CHAF1A: variants seen among roughly 807,000 people sequenced by gnomAD.
CHAF1A encodes the protein CAF-1 subunit A.
A neutral mutation model predicts 93.2 loss-of-function variants in CHAF1A; 5 were observed. That is an observed-to-expected ratio of 0.05 (90% CI 0.03 to 0.11). The LOEUF is 0.11. CHAF1A is among the 10% of genes least tolerant of loss of function. CHAF1A has a pLI of 1.00. For synonymous variants in CHAF1A, 504 were observed against 510.3 expected (o/e 0.99, Z 0.17); for missense variants, 1,102 against 1,259.9 (o/e 0.87, Z 1.90).
intron 3 of CHAF1A, among the ~76,000 whole-genome samples, chr19:4,414,034 C>T (rs909168255): frequency 2.0e-5 from 3 of 152,184 alleles, no homozygotes; most frequent in Non-Finnish European, 4.4e-5. Context: ...CTTTGGCTTG[C>T]TTCTGTGCCC....
At chr19:4,431,578 C>T (rs1428521307) in intron 11 of CHAF1A, among the ~76,000 whole-genome samples, 2 of 152,120 alleles carry the variant, frequency 1.3e-5, no homozygotes, top group South Asian at 2.1e-4. Context: ...CCTGAACTGT[C>T]AGTCAGAGAG....
At position 4,427,136 on chromosome 19, in the gene CHAF1A, C is replaced by CTTTTTTTTTTTTTTTT. The variant is rs747750687; in HGVS notation, c.1378-1512_1378-1497dup. Among the ~76,000 whole-genome samples the CTTTTTTTTTTTTTTTT allele has an allele frequency of 4.9e-3, 158 of 31,946 alleles. 32 individuals are homozygous for CTTTTTTTTTTTTTTTT. Among genetic ancestry groups the CTTTTTTTTTTTTTTTT allele is most frequent in the East Asian group, 7.5e-3 (5 of 664 alleles). The allele number at this position is 31,946 out of a possible 152,430, so 21.0% of individuals were successfully genotyped here. On this transcript the variant is annotated intron_variant, in intron 7 of 14. Coordinates refer to ENST00000301280, the MANE Select transcript of CHAF1A (RefSeq NM_005483.3). The stretch of plus-strand genomic sequence containing the variant: ...GTGATCTTTCAAAAAAAGACCCTGT[C>CTTTTTTTTTTTTTTTT]TTTTTTTTTTTTTTTTTTTTTTTTT...
At chr19:4,445,714 C>T, downstream of CHAF1A, 3 of 1,544,234 alleles carry the variant, frequency 1.9e-6, no homozygotes, top group East Asian at 4.5e-5. Context: ...CGGGGATGCC[C>T]CGGCCTGGAA....
chr19:4,424,375 C>T (rs571247053), intron 7 of CHAF1A, among the ~76,000 whole-genome samples: 14 of 152,360 alleles, frequency 9.2e-5, no homozygotes, highest in African/African-American at 3.4e-4. Flanking sequence ...CCCTGCTCCA[C>T]TCACTGTATT....
Position 4,428,788 on chromosome 19 carries a change from A to T in CHAF1A, c.1502A>T (p.Gln501Leu), listed in dbSNP as rs776706130. Residue 501 changes from glutamine to leucine, a missense_variant, in exon 8 of 15, where the codon CAG (glutamine) becomes CTG (leucine). Physicochemically the swap from Gln to Leu is moderately radical, Grantham distance 113. Transcript: ENST00000301280. ...LCSQLDQLLQ[Q>L]QSGEFSFLKD... ...AGTCAGCTGGACCAGCTCCTCCAGCAGCAGAGCGGCGAGTTCTCCTTCTTG... is the reference window on the plus strand; with the variant it reads ...AGTCAGCTGGACCAGCTCCTCCAGCTGCAGAGCGGCGAGTTCTCCTTCTTG... The T allele has an allele frequency of 2.7e-5, 44 of 1,614,066 alleles. No individual in the cohort carries two copies. Among genetic ancestry groups the T allele is most frequent in the Admixed American group, 1.0e-4 (6 of 60,004 alleles).
chr19:4,402,834 G>A lies in CHAF1A; in HGVS notation c.52+20G>A. On this transcript the variant is annotated intron_variant, in intron 1 of 14. Coordinates refer to ENST00000301280, the MANE Select transcript of CHAF1A (RefSeq NM_005483.3). ...CCACAGGTCGGTTCGGGCCCGCGCC[G>A]AGGGGAAGGGGGGGCGCGGCGCGCG... 1 of 1,196,484 alleles carries A rather than the reference G, an allele frequency of 8.4e-7. No individual in the cohort carries two copies. Among genetic ancestry groups the A allele is most frequent in the Non-Finnish European group, 1.0e-6 (1 of 963,592 alleles). 74.1% of individuals were successfully genotyped at this position (1,196,484 alleles called of 1,614,324 possible). A position where few individuals can be genotyped will look rare whatever the true frequency, so the allele number is the denominator to read the frequency against.
At position 4,409,033 on chromosome 19, in the gene CHAF1A, C is replaced by T; in HGVS notation, c.234C>T (p.Asn78=). ...CCTCTTTGGACACCTTGGAAAACAACTGTCATGTGGGTTCTGACATAGACT... is the reference window on the plus strand; with the variant it reads ...CCTCTTTGGACACCTTGGAAAACAATTGTCATGTGGGTTCTGACATAGACT... ...LEASLDTLEN[N]CHVGSDIDFR... Residue 78 remains asparagine (N), a synonymous_variant, in exon 3 of 15, where the codon AAC becomes AAT. Coordinates refer to ENST00000301280, the MANE Select transcript of CHAF1A (RefSeq NM_005483.3). The T allele has an allele frequency of 1.2e-6, 2 of 1,614,194 alleles. No homozygotes were observed. The highest frequency in any genetic ancestry group is 1.7e-6 in the Non-Finnish European group (2 of 1,180,046).
Position 4,404,308 on chromosome 19 carries a change from G to A in CHAF1A, c.52+1494G>A, listed in dbSNP as rs899542250. ...TGGATCTCTGGATTGGGAGTGTCCC[G>A]TTTTATATACAAGATTTTTTAATGA... is the stretch of plus-strand genomic sequence containing the variant. On this transcript the variant is annotated intron_variant, in intron 1 of 14. Transcript: ENST00000301280. Among the ~76,000 whole-genome samples the A allele has an allele frequency of 3.9e-5, 6 of 152,164 alleles. No homozygotes were observed. In the South Asian group the frequency reaches 6.2e-4, roughly 16 times the overall value.
At chr19:4,418,144 C>G in intron 4 of CHAF1A, 68 bp downstream of exon 4, 1 of 1,047,686 alleles carries the variant, frequency 9.5e-7, no homozygotes, top group Admixed American at 2.3e-5. Flanking sequence ...TAAGCAAAGC[C>G]CTTTGAAGTT....
At chr19:4,415,874 G>C (rs1973888284) in intron 3 of CHAF1A, among the ~76,000 whole-genome samples, 1 of 152,052 alleles carries the variant, frequency 6.6e-6, no homozygotes. Flanking sequence ...AGCTTTCCCA[G>C]ATAAAGAAAT....
rs917305291 is a variant in CHAF1A, at chr19:4,429,800, C to T, written c.1854+12C>T. 4 of 1,604,896 alleles carry T rather than the reference C, an allele frequency of 2.5e-6. No homozygotes were observed. Among genetic ancestry groups the T allele is most frequent in the Non-Finnish European group, 3.4e-6 (4 of 1,175,170 alleles). On this transcript the variant is annotated intron_variant, in intron 10 of 14. Coordinates refer to ENST00000301280, the MANE Select transcript of CHAF1A (RefSeq NM_005483.3). The stretch of plus-strand genomic sequence containing the variant: ...CCCACAGTGAGGGGGTAAGGATGTG[C>T]CCCAGCTGTCTTCACTCACAGACGG...
intron 13 of CHAF1A, among the ~76,000 whole-genome samples, chr19:4,437,771 G>A (rs544578166): frequency 5.3e-5 from 8 of 151,126 alleles, no homozygotes; most frequent in African/African-American, 9.7e-5. Flanking sequence ...ACGGAGTCTC[G>A]CTCTGTCGCC....
intron 2 of CHAF1A, among the ~76,000 whole-genome samples, chr19:4,407,657 G>A (rs546992036): frequency 1.1e-4 from 17 of 152,256 alleles, no homozygotes; most frequent in African/African-American, 3.1e-4. Flanking sequence ...TTTTAAGTTA[G>A]GATGTTGAAG....
At chr19:4,439,612 G>A (rs1372440147) in intron 13 of CHAF1A, among the ~76,000 whole-genome samples, 1 of 151,924 alleles carries the variant, frequency 6.6e-6, no homozygotes, top group East Asian at 1.9e-4. Flanking sequence ...GTGACTTGAG[G>A]TGGCTCTGAA....
At chr19:4,415,961 C>T (rs561938478) in intron 3 of CHAF1A, among the ~76,000 whole-genome samples, 1 of 152,248 alleles carries the variant, frequency 6.6e-6, no homozygotes, top group Non-Finnish European at 1.5e-5. Context: ...ATCACGAGGT[C>T]AGGAGATCGA....
In CHAF1A at chr19:4,428,684, G is replaced by A; in HGVS notation, c.1398G>A (p.Gly466=). Residue 466 remains glycine, a synonymous_variant, in exon 8 of 15, where the codon GGG becomes GGA. Coordinates refer to ENST00000301280, the MANE Select transcript of CHAF1A (RefSeq NM_005483.3). ...TTCAGACCCTGGCCGGCTCCTGTGG[G>A]AAGTTTGCCCCCTTTGAAATTAAAG... ...QAPKTLAGSC[G]KFAPFEIKEH... 1.2e-6 allele frequency: 2 copies of A among 1,614,042 alleles called. No homozygotes were observed. The highest frequency in any genetic ancestry group is 1.3e-5 in the African/African-American group (1 of 75,038).
At chr19:4,430,733 C>G (rs544694061) in intron 11 of CHAF1A, 92 bp downstream of exon 11, 4 of 1,313,956 alleles carry the variant, frequency 3.0e-6, no homozygotes, top group African/African-American at 1.5e-5. Context: ...GACGGGGGTC[C>G]CAGCCCAACC....
intron 2 of CHAF1A, among the ~76,000 whole-genome samples, chr19:4,408,416 TCTC>T (rs1017587522): frequency 6.8e-6 from 1 of 146,420 alleles, no homozygotes; most frequent in African/African-American, 2.5e-5. Context: ...ATGGTCTCGA[TCTC>T]CTGACCTTGT....
At chr19:4,445,275 C>T (rs867079683), downstream of CHAF1A, 3 of 661,702 alleles carry the variant, frequency 4.5e-6, no homozygotes, top group Admixed American at 5.9e-5. Flanking sequence ...TTGGTGTCCC[C>T]AGGCCTCTCC....
Sources: gnomAD v4.1 joint callset for allele counts (sites outside exome capture counted in the v4.1 genomes callset) on GRCh38, gnomAD v4.1.1 for gene constraint, MANE v1.5 for transcripts, NCBI Gene and HGNC (gene_info 2026-07-23, HGNC 2026-07-21) for gene names.